The following RANBP17 variants were observed in gnomAD, a reference collection of about 807,000 sequenced individuals.
RANBP17 encodes RAN binding protein 17, also known as ran-binding protein 17.
In RANBP17, 158 loss-of-function variants were observed where a neutral mutation model predicts 141.2. The ratio of observed to expected loss-of-function variants is 1.12; its 90% CI spans 0.98 to 1.28. The LOEUF is 1.28. Among genes scored for constraint, RANBP17 ranks in the 50% most tolerant of loss-of-function variants. The pLI, the probability that RANBP17 is intolerant of heterozygous loss-of-function variation, is 0.00. For synonymous variants in RANBP17, 430 were observed against 450.0 expected (o/e 0.96, Z 0.56); for missense variants, 1,438 against 1,290.7 (o/e 1.11, Z -1.75).
chr5:171,046,457 C>CT (rs1488305233), intron 14 of RANBP17, among the ~76,000 whole-genome samples: 2 of 152,026 alleles, frequency 1.3e-5, no homozygotes, highest in Non-Finnish European at 2.9e-5. Flanking sequence ...ATCTGCCTGC[C>CT]TCAGCCTCCC....
chr5:171,220,121 G>A (rs971716360), intron 21 of RANBP17, among the ~76,000 whole-genome samples: 5 of 152,126 alleles, frequency 3.3e-5, no homozygotes, highest in Admixed American at 6.6e-5. Context: ...GTTGCTTTCT[G>A]TTTGTTAGTT....
At chr5:171,104,738 G>A (rs1205958986) in intron 14 of RANBP17, among the ~76,000 whole-genome samples, 2 of 152,076 alleles carry the variant, frequency 1.3e-5, no homozygotes, top group East Asian at 1.9e-4. Flanking sequence ...CATAAAATGG[G>A]AATAATAATA....
intron 23 of RANBP17, 57 bp from the exon 24 acceptor site, chr5:171,242,625 T>A: frequency 6.3e-7 from 1 of 1,575,060 alleles, no homozygotes. Context: ...TTCACTGGAC[T>A]GTAACATGTA....
At chr5:171,028,844 TTTTTC>T (rs1176326037) in intron 14 of RANBP17, 2 of 1,187,966 alleles carry the variant, frequency 1.7e-6, no homozygotes, top group Non-Finnish European at 2.2e-6. Context: ...CTGTACCTTT[TTTTTC>T]TTTTCTTTTT....
chr5:171,234,238 G>T (rs1764391809), intron 22 of RANBP17, among the ~76,000 whole-genome samples: 1 of 152,124 alleles, frequency 6.6e-6, no homozygotes. Flanking sequence ...ACAGCAAGTG[G>T]TAGAGTCTTA....
chr5:170,925,308 G>T (rs557189573), intron 12 of RANBP17, among the ~76,000 whole-genome samples: 1 of 152,016 alleles, frequency 6.6e-6, no homozygotes, highest in African/African-American at 2.4e-5. Context: ...TTAAAAATGC[G>T]TTTTATTATC....
intron 11 of RANBP17, among the ~76,000 whole-genome samples, chr5:170,921,692 T>C (rs921456536): frequency 6.6e-6 from 1 of 152,218 alleles, no homozygotes; most frequent in Non-Finnish European, 1.5e-5. Flanking sequence ...ATGGCCATTT[T>C]CATGATATTG....
chr5:171,091,877 C>T (rs548246782), intron 14 of RANBP17, among the ~76,000 whole-genome samples: 3 of 152,212 alleles, frequency 2.0e-5, no homozygotes, highest in South Asian at 2.1e-4. Flanking sequence ...TTTTGTAAAT[C>T]GCCCAGTCTT....
rs575484461 is a variant in RANBP17 at position 171,089,245 on chromosome 5, G to T, written c.1711-80885G>T. On this transcript the variant is annotated intron_variant, in intron 14 of 27. Transcript: ENST00000523189. ...GTGAGGTGTCAGTGTGCCCCTGCTG[G>T]GGGGGGCCTCCCAGTTAGGCTGCTC... Among the ~76,000 whole-genome samples, 21 of 107,202 alleles carry T rather than the reference G, an allele frequency of 2.0e-4. 2 individuals are homozygous for T. The highest frequency in any genetic ancestry group is 0.011 in the Middle Eastern group (2 of 182). The allele number at this position is 107,202 out of a possible 152,430, so 70.3% of individuals were successfully genotyped here.
intron 12 of RANBP17, among the ~76,000 whole-genome samples, chr5:170,941,363 A>G (rs1166083525): frequency 6.6e-6 from 1 of 152,306 alleles, no homozygotes; most frequent in African/African-American, 2.4e-5. Context: ...GAAAGAATTC[A>G]CAAATATATA....
intron 3 of RANBP17, among the ~76,000 whole-genome samples, chr5:170,883,769 T>C (rs1768921732): frequency 6.6e-6 from 1 of 152,224 alleles, no homozygotes; most frequent in Admixed American, 6.5e-5. Context: ...CTCCATGTTT[T>C]TTTCATGGCT....
chr5:170,885,868 CT>C (rs33975152), intron 3 of RANBP17, among the ~76,000 whole-genome samples: 80,648 of 139,144 alleles, frequency 0.58, 24,035 homozygotes, highest in South Asian at 0.85. Context: ...CACTCTCCAC[CT>C]TTTTTTTTTT....
At chr5:171,022,290 G>A (rs914995386) in intron 14 of RANBP17, among the ~76,000 whole-genome samples, 1 of 152,220 alleles carries the variant, frequency 6.6e-6, no homozygotes, top group Non-Finnish European at 1.5e-5. Flanking sequence ...ACAGGGATGT[G>A]GACCCATTTA....
intron 14 of RANBP17, among the ~76,000 whole-genome samples, chr5:171,095,323 G>A (rs1180720056): frequency 6.6e-6 from 1 of 151,904 alleles, no homozygotes; most frequent in Non-Finnish European, 1.5e-5. Flanking sequence ...TGATGTACTT[G>A]TTGTGACAAC....
At chr5:171,256,839 G>T (rs779617459) in intron 24 of RANBP17, among the ~76,000 whole-genome samples, 1 of 151,920 alleles carries the variant, frequency 6.6e-6, no homozygotes, top group Non-Finnish European at 1.5e-5. Context: ...AACATACAAG[G>T]TTCTGAGATT....
At chr5:170,968,837 T>A (rs1318634172) in intron 14 of RANBP17, 7 of 390,936 alleles carry the variant, frequency 1.8e-5, no homozygotes, top group Admixed American at 3.5e-5. Context: ...ATAACCTTAA[T>A]GTTAGGAATA....
At chr5:171,097,647 ATTATT>A (rs1561651361) in intron 14 of RANBP17, among the ~76,000 whole-genome samples, 335 of 145,080 alleles carry the variant, frequency 2.3e-3, no homozygotes, top group African/African-American at 7.9e-3. Context: ...TATTATTATT[ATTATT>A]ATACTTTAAG....
At chr5:171,057,334 T>G (rs1481756935) in intron 14 of RANBP17, among the ~76,000 whole-genome samples, 1 of 152,286 alleles carries the variant, frequency 6.6e-6, no homozygotes, top group East Asian at 1.9e-4. Flanking sequence ...CCATTTTATA[T>G]ATTTTAAATG....
rs78268353 is a variant in RANBP17 at position 171,064,866 on chromosome 5, A to C, written c.1710+96489A>C. Reference sequence around the variant, plus strand: ...GGATTTCTATAGGTTGATTTTCCTCAATTTAAAAAAAAAAAATCCTTGATT... The same window carrying C: ...GGATTTCTATAGGTTGATTTTCCTCCATTTAAAAAAAAAAAATCCTTGATT... On this transcript the variant is annotated intron_variant, in intron 14 of 27. Coordinates refer to ENST00000523189, the MANE Select transcript of RANBP17 (RefSeq NM_022897.5). 4.5e-3 allele frequency among the ~76,000 whole-genome samples: 688 copies of C among 152,012 alleles called. 5 individuals carry two copies. The highest frequency in any genetic ancestry group is 0.016 in the African/African-American group (645 of 41,456).
Sources: allele counts gnomAD v4.1 joint callset (sites outside exome capture counted in the v4.1 genomes callset), GRCh38; gene constraint gnomAD v4.1.1; transcripts MANE v1.5; gene names NCBI Gene and HGNC (gene_info 2026-07-23, HGNC 2026-07-21).